ORC3: variants seen among roughly 807,000 people sequenced by gnomAD.
ORC3 encodes the protein homolog of latheo, Drosophila.
ORC3 carries 78 observed loss-of-function variants against 100.7 expected under a neutral mutation model. That is an observed-to-expected ratio of 0.77 (90% confidence interval 0.65 to 0.94). The LOEUF (loss-of-function observed/expected upper bound fraction) is 0.94. ORC3 is among the 40% of genes least tolerant of loss of function. The pLI is 0.00. For missense variants in ORC3, 789 were observed against 823.9 expected, an observed-to-expected ratio of 0.96 and a Z score of 0.52; for synonymous variants, 295 against 289.3, an observed-to-expected ratio of 1.02 and a Z score of -0.20.
downstream of ORC3, among the ~76,000 whole-genome samples, chr6:87,670,847 C>T (rs944789737): frequency 1.3e-5 from 2 of 152,194 alleles, no homozygotes; most frequent in Non-Finnish European, 2.9e-5. Flanking sequence ...ACCAGGATGT[C>T]AGGCTGCAAT....
At chr6:87,602,954 A>ATATATATATATATATATAT (rs1554236515) in intron 3 of ORC3, among the ~76,000 whole-genome samples, 2 of 95,268 alleles carry the variant, frequency 2.1e-5, no homozygotes, top group African/African-American at 8.4e-5. Flanking sequence ...ACACATATAT[A>ATATATATATATATATATAT]ATATATATAT....
At chr6:87,671,742 T>G (rs966690217), downstream of ORC3, among the ~76,000 whole-genome samples, 7 of 152,186 alleles carry the variant, frequency 4.6e-5, no homozygotes, top group Non-Finnish European at 1.0e-4. Flanking sequence ...GGCTGCTGAT[T>G]AGATTTAACA....
In ORC3 at chr6:87,664,515, C is replaced by A. The variant is rs1352080403; in HGVS notation, c.1834-228C>A. 4.6e-5 allele frequency among the ~76,000 whole-genome samples: 7 copies of A among 152,136 alleles called. No individual in the cohort carries two copies. In the South Asian group the frequency reaches 1.5e-3, roughly 32 times the overall value. On this transcript the variant is annotated intron_variant, in intron 17 of 19. Transcript: ENST00000392844. Reference sequence around the variant, plus strand: ...TTGAAATGAAAAATATGCTTATCTTCTAATCCTGGGAATATTCTTCTAGTG... The same window carrying A: ...TTGAAATGAAAAATATGCTTATCTTATAATCCTGGGAATATTCTTCTAGTG...
At chr6:87,615,695 T>C (rs1285710192) in intron 8 of ORC3, among the ~76,000 whole-genome samples, 1 of 152,152 alleles carries the variant, frequency 6.6e-6, no homozygotes, top group Non-Finnish European at 1.5e-5. Context: ...AACTTTCCTC[T>C]ACAAAAAGAA....
intron 9 of ORC3, among the ~76,000 whole-genome samples, chr6:87,618,251 A>T (rs1467166069): frequency 6.6e-6 from 1 of 152,172 alleles, no homozygotes; most frequent in Non-Finnish European, 1.5e-5. Flanking sequence ...TCTACTAAAA[A>T]TACAAAAAAT....
At chr6:87,636,729 T>C (rs370994802) in intron 13 of ORC3, among the ~76,000 whole-genome samples, 8 of 152,236 alleles carry the variant, frequency 5.3e-5, no homozygotes, top group Admixed American at 3.9e-4. Context: ...AAATCCATGA[T>C]TGTTTAGTCA....
At chr6:87,611,032 G>T (rs959969743) in intron 7 of ORC3, among the ~76,000 whole-genome samples, 1 of 150,878 alleles carries the variant, frequency 6.6e-6, no homozygotes, top group African/African-American at 2.4e-5. Context: ...CACCTCCTGG[G>T]CTTAAGCAGT....
chr6:87,611,665 C>A (rs1474134374), intron 7 of ORC3, among the ~76,000 whole-genome samples: 1 of 151,938 alleles, frequency 6.6e-6, no homozygotes, highest in African/African-American at 2.4e-5. Flanking sequence ...ACATGTAGTC[C>A]CAGCTACTCG....
chr6:87,644,110 T>G (rs1768533044), intron 13 of ORC3, among the ~76,000 whole-genome samples: 3 of 102,952 alleles, frequency 2.9e-5, no homozygotes, highest in African/African-American at 7.6e-5. Context: ...TTTTTTTTTT[T>G]GAGACGGAGT....
chr6:87,667,109 T>G lies in ORC3; in HGVS notation c.2122T>G (p.Trp708Gly). The G allele has an allele frequency of 6.3e-7, 1 of 1,599,980 alleles. No homozygotes were observed. The highest frequency in any genetic ancestry group is 8.5e-7 in the Non-Finnish European group (1 of 1,171,692). Residue 708 changes from tryptophan to glycine, a missense_variant, in exon 20 of 20, where the codon TGG (tryptophan) becomes GGG (glycine). Coordinates refer to ENST00000392844, the MANE Select transcript of ORC3 (RefSeq NM_012381.4). ...GACTGACCATGTGGCAAGACTAACA[T>G]GGGGAGGCTGCTAGAAAGCAAATAA... ...QKTDHVARLTWGGC is the reference protein window; with the variant it reads ...QKTDHVARLTGGGC
intron 11 of ORC3, among the ~76,000 whole-genome samples, chr6:87,624,846 A>C (rs1779779165): frequency 2.0e-5 from 3 of 151,540 alleles, no homozygotes. Context: ...TTCCCCCAGC[A>C]CCCCCACCCA....
At chr6:87,617,207 A>ATGTG (rs145680871) in intron 9 of ORC3, among the ~76,000 whole-genome samples, 3 of 150,474 alleles carry the variant, frequency 2.0e-5, no homozygotes, top group African/African-American at 4.9e-5. Context: ...TGGACCATGC[A>ATGTG]TGTGTGTGTG....
intron 5 of ORC3, among the ~76,000 whole-genome samples, chr6:87,606,304 TTAA>T (rs1182165543): frequency 2.6e-5 from 4 of 152,202 alleles, no homozygotes; most frequent in African/African-American, 9.7e-5. Context: ...AGTGAAACGT[TTAA>T]TAAGTAGAAA....
At position 87,666,501 on chromosome 6, in the gene ORC3, C is replaced by T. The variant is rs535308637; in HGVS notation, c.2031-517C>T. Among the ~76,000 whole-genome samples the T allele has an allele frequency of 4.7e-3, 678 of 145,300 alleles. 4 individuals are homozygous for T. The highest frequency in any genetic ancestry group is 0.017 in the African/African-American group (646 of 38,252). ...TTGCCCAAGCTGGAGTGCAGTGGCA[C>T]GATCTCGGCTCACCGCAACCTCCAC... is the stretch of plus-strand genomic sequence containing the variant. On this transcript the variant is annotated intron_variant, in intron 19 of 19. Transcript: ENST00000392844.
intron 13 of ORC3, among the ~76,000 whole-genome samples, chr6:87,643,403 G>C (rs1401326514): frequency 7.0e-6 from 1 of 143,852 alleles, no homozygotes; most frequent in Non-Finnish European, 1.5e-5. Context: ...AGAAAATAAA[G>C]GGAGAGGTTA....
intron 7 of ORC3, 54 bp downstream of exon 7, chr6:87,609,283 T>C (rs976415899): frequency 1.1e-5 from 14 of 1,245,126 alleles, no homozygotes; most frequent in Middle Eastern, 2.0e-4. Flanking sequence ...AAGAAAATAC[T>C]ACTTTTAACT....
intron 13 of ORC3, among the ~76,000 whole-genome samples, chr6:87,642,150 T>A (rs1768312050): frequency 1.3e-5 from 2 of 151,966 alleles, no homozygotes; most frequent in African/African-American, 4.8e-5. Context: ...ACAAAAAGTA[T>A]ATGAGCGTGG....
At chr6:87,599,181 C>A (rs570165663) in intron 2 of ORC3, among the ~76,000 whole-genome samples, 77 of 152,088 alleles carry the variant, frequency 5.1e-4, no homozygotes, top group Middle Eastern at 3.4e-3. Flanking sequence ...GCTGTGTTTC[C>A]CAGTTTCTAA....
intron 11 of ORC3, among the ~76,000 whole-genome samples, chr6:87,625,237 T>C (rs1032664990): frequency 5.9e-5 from 9 of 152,160 alleles, no homozygotes; most frequent in African/African-American, 2.2e-4. Flanking sequence ...GGTCAAATGG[T>C]ATTTCTTGTT....
Sources: gnomAD v4.1 joint callset for allele counts (sites outside exome capture counted in the v4.1 genomes callset) on GRCh38, gnomAD v4.1.1 for gene constraint, MANE v1.5 for transcripts, NCBI Gene and HGNC (gene_info 2026-07-23, HGNC 2026-07-21) for gene names.